The following TASP1 variants were observed in gnomAD, a reference collection of about 807,000 sequenced individuals.
The protein encoded by TASP1 is threonine aspartase 1.
In TASP1, 16 loss-of-function variants were observed where a neutral mutation model predicts 56.6. That is an observed-to-expected ratio of 0.28 (90% confidence interval 0.19 to 0.43). The LOEUF (loss-of-function observed/expected upper bound fraction) is 0.43. TASP1 is among the 20% of genes least tolerant of loss of function. The pLI, the probability that TASP1 is intolerant of heterozygous loss-of-function variation, is 1.00. For missense variants in TASP1, 393 were observed against 511.6 expected, an observed-to-expected ratio of 0.77 and a Z score of 2.24; for synonymous variants, 179 against 184.2, an observed-to-expected ratio of 0.97 and a Z score of 0.23.
chr20:13,404,580 G>A (rs1208079327), intron 13 of TASP1, among the ~76,000 whole-genome samples: 1 of 152,114 alleles, frequency 6.6e-6, no homozygotes, highest in African/African-American at 2.4e-5. Flanking sequence ...CACTCCAAGT[G>A]GGTGATACAG....
At chr20:13,410,792 C>A (rs979018492) in intron 13 of TASP1, among the ~76,000 whole-genome samples, 18 of 152,072 alleles carry the variant, frequency 1.2e-4, no homozygotes, top group Admixed American at 1.1e-3. Flanking sequence ...CTCATTCTGT[C>A]AATTGTTTCC....
intron 10 of TASP1, among the ~76,000 whole-genome samples, chr20:13,508,800 C>A (rs1461979571): frequency 6.6e-6 from 1 of 152,068 alleles, no homozygotes; most frequent in African/African-American, 2.4e-5. Flanking sequence ...TTCCCTCACA[C>A]CTCTTAGGAT....
At chr20:13,331,688 T>TTC in the TASP1 span, among the ~76,000 whole-genome samples, 1 of 150,156 alleles carries the variant, frequency 6.7e-6, no homozygotes, top group African/African-American at 2.4e-5. Context: ...TTTTTTTTTT[T>TTC]CTGTCACTTG....
chr20:13,471,615 C>T (rs1267325995), intron 11 of TASP1, among the ~76,000 whole-genome samples: 1 of 152,140 alleles, frequency 6.6e-6, no homozygotes, highest in African/African-American at 2.4e-5. Context: ...TTGCCACTGC[C>T]TACAAATTAG....
chr20:13,361,422 T>C, the TASP1 span, among the ~76,000 whole-genome samples: 14 of 152,258 alleles, frequency 9.2e-5, no homozygotes, highest in African/African-American at 2.4e-4. Context: ...GAAACCTTTA[T>C]ATCCCTTACG....
the TASP1 span, among the ~76,000 whole-genome samples, chr20:13,221,251 TCCTCCTCCTCC>T: frequency 2.5e-5 from 3 of 120,546 alleles, no homozygotes; most frequent in African/African-American, 9.1e-5. Flanking sequence ...CTCCTCCTCC[TCCTCCTCCTCC>T]TTCTCCTTCT....
At chr20:13,206,391 A>G in the TASP1 span, among the ~76,000 whole-genome samples, 4 of 152,176 alleles carry the variant, frequency 2.6e-5, no homozygotes, top group African/African-American at 9.7e-5. Flanking sequence ...GATATATTTT[A>G]ATTTTAAGGA....
At chr20:13,331,317 A>T in the TASP1 span, among the ~76,000 whole-genome samples, 2 of 152,216 alleles carry the variant, frequency 1.3e-5, no homozygotes, top group Non-Finnish European at 2.9e-5. Context: ...TCAGACAGAC[A>T]TTCCCAACAA....
At chr20:13,615,988 T>C (rs2147478495) in intron 4 of TASP1, among the ~76,000 whole-genome samples, 1 of 152,178 alleles carries the variant, frequency 6.6e-6, no homozygotes, top group East Asian at 1.9e-4. Context: ...CATCCTTCAT[T>C]ACCAAGAGCA....
chr20:13,234,056 G>A, the TASP1 span, among the ~76,000 whole-genome samples: 8 of 152,252 alleles, frequency 5.3e-5, no homozygotes, highest in Non-Finnish European at 1.0e-4. Flanking sequence ...GGCTTTTAGT[G>A]TACTCATCAC....
chr20:13,505,963 A>T (rs2044115497), intron 10 of TASP1, among the ~76,000 whole-genome samples: 1 of 152,040 alleles, frequency 6.6e-6, no homozygotes, highest in Admixed American at 6.6e-5. Flanking sequence ...GATCAACAAA[A>T]CCAAGCTGTT....
chr20:13,626,163 G>A (rs1296079391), intron 2 of TASP1, among the ~76,000 whole-genome samples: 1 of 152,194 alleles, frequency 6.6e-6, no homozygotes, highest in Non-Finnish European at 1.5e-5. Flanking sequence ...AGTGGCTCAT[G>A]CCTGCAATCC....
At chr20:13,581,624 T>C (rs1225840281) in intron 5 of TASP1, among the ~76,000 whole-genome samples, 1 of 152,206 alleles carries the variant, frequency 6.6e-6, no homozygotes, top group African/African-American at 2.4e-5. Flanking sequence ...AGTGAGGTGA[T>C]AGTGCTTATC....
At chr20:13,410,804 T>C (rs575017302) in intron 13 of TASP1, among the ~76,000 whole-genome samples, 2 of 152,292 alleles carry the variant, frequency 1.3e-5, no homozygotes, top group South Asian at 2.1e-4. Context: ...ATTGTTTCCA[T>C]TCCTGTGAAG....
At chr20:13,625,707 A>G (rs1304614456) in intron 2 of TASP1, among the ~76,000 whole-genome samples, 1 of 152,234 alleles carries the variant, frequency 6.6e-6, no homozygotes, top group Non-Finnish European at 1.5e-5. Context: ...GCTTCTGAAT[A>G]ACATTTGAAG....
chr20:13,207,518 A>C, the TASP1 span, among the ~76,000 whole-genome samples: 4 of 152,206 alleles, frequency 2.6e-5, no homozygotes, highest in South Asian at 4.1e-4. Flanking sequence ...GACGTCCTGC[A>C]ATCTGCCATG....
the TASP1 span, among the ~76,000 whole-genome samples, chr20:13,112,556 G>T: frequency 6.6e-6 from 1 of 152,184 alleles, no homozygotes; most frequent in Non-Finnish European, 1.5e-5. Flanking sequence ...GGGAAGCTTT[G>T]CAGGCAGCCA....
chr20:13,550,542 A>T (rs981783940), intron 8 of TASP1, among the ~76,000 whole-genome samples: 3 of 152,112 alleles, frequency 2.0e-5, no homozygotes, highest in African/African-American at 4.8e-5. Context: ...TTTTATTTTT[A>T]AAAAATACAT....
the TASP1 span, chr20:13,169,157 G>A: frequency 2.6e-5 from 4 of 152,194 alleles, no homozygotes; most frequent in African/African-American, 9.7e-5. Context: ...GACTGAGGTA[G>A]AGATTTGTAT....
Sources: gnomAD v4.1 joint callset for allele counts (sites outside exome capture counted in the v4.1 genomes callset) on GRCh38, gnomAD v4.1.1 for gene constraint, MANE v1.5 for transcripts, NCBI Gene and HGNC (gene_info 2026-07-23, HGNC 2026-07-21) for gene names.